The following VAC14 variants were observed in gnomAD, a reference collection of about 807,000 sequenced individuals.
VAC14 encodes protein VAC14 homolog.
A neutral mutation model predicts 85.3 loss-of-function variants in VAC14; 47 were observed. That is an observed-to-expected ratio of 0.55 (90% CI 0.44 to 0.70). VAC14 has a LOEUF of 0.70. Among genes scored for constraint, VAC14 ranks in the 30% least tolerant of loss-of-function variants. The pLI is 0.00. For missense variants in VAC14, 861 were observed against 1,004.3 expected, an observed-to-expected ratio of 0.86 and a Z score of 1.93; for synonymous variants, 447 against 430.5, an observed-to-expected ratio of 1.04 and a Z score of -0.47.
intron 1 of VAC14, among the ~76,000 whole-genome samples, chr16:70,794,436 C>CT (rs1370062556): frequency 5.3e-5 from 8 of 151,796 alleles, no homozygotes; most frequent in South Asian, 4.2e-4. Flanking sequence ...TTTCAAGGGG[C>CT]TTTTTTTTAA....
chr16:70,756,361 T>C (rs2031856222), intron 12 of VAC14, among the ~76,000 whole-genome samples: 1 of 152,136 alleles, frequency 6.6e-6, no homozygotes, highest in Non-Finnish European at 1.5e-5. Context: ...CAGTGAGTGC[T>C]CTCCTTTCAG....
intron 16 of VAC14, 67 bp from the exon 17 acceptor site, chr16:70,695,690 C>T (rs2053692110): frequency 2.0e-6 from 3 of 1,488,494 alleles, no homozygotes; most frequent in Admixed American, 3.4e-5. Flanking sequence ...GCACCACACG[C>T]CCTCCCCCCC....
chr16:70,720,321 T>C (rs1313034292), intron 14 of VAC14, among the ~76,000 whole-genome samples: 2 of 152,176 alleles, frequency 1.3e-5, no homozygotes, highest in Non-Finnish European at 2.9e-5. Flanking sequence ...CACTTTCAAA[T>C]AGTACGTTCT....
intron 14 of VAC14, among the ~76,000 whole-genome samples, chr16:70,722,261 G>A (rs757514591): frequency 3.9e-5 from 6 of 152,266 alleles, no homozygotes; most frequent in African/African-American, 9.6e-5. Context: ...ACTCTTCCCC[G>A]GGCACTGCAT....
intron 7 of VAC14, among the ~76,000 whole-genome samples, chr16:70,782,487 C>T (rs1219148092): frequency 6.6e-6 from 1 of 152,230 alleles, no homozygotes; most frequent in South Asian, 2.1e-4. Flanking sequence ...CCCCCATGGT[C>T]CCGGCATGAC....
chr16:70,784,478 T>G (rs2143268749), intron 4 of VAC14, among the ~76,000 whole-genome samples: 1 of 152,144 alleles, frequency 6.6e-6, no homozygotes. Flanking sequence ...GTGGTCTGGA[T>G]GGAATGCCCA....
chr16:70,735,406 C>T (rs1567550484), intron 13 of VAC14, among the ~76,000 whole-genome samples: 1 of 151,994 alleles, frequency 6.6e-6, no homozygotes, highest in Non-Finnish European at 1.5e-5. Flanking sequence ...ATGTGCAGAA[C>T]CATCCAGAGT....
intron 18 of VAC14, chr16:70,691,451 G>A: frequency 3.0e-6 from 3 of 985,050 alleles, no homozygotes; most frequent in Non-Finnish European, 2.4e-6. Flanking sequence ...AAGGCCCGGT[G>A]TGGCTTCTAG....
rs764444923 is a variant in VAC14 at position 70,762,678 on chromosome 16, G to A, written c.1306-73C>T. ...GGGACTACGTGCAGTGCAGTGTCCC[G>A]CTGGTGTGCACGGACCCACTGGTCT... On this transcript the variant is annotated intron_variant, in intron 11 of 18. Transcript: ENST00000261776. The surrounding 1 kb of genome is among the most constrained non-coding windows in gnomAD (Gnocchi z 4.1). 167 of 1,550,850 alleles carry A rather than the reference G, an allele frequency of 1.1e-4. 1 individual carries two copies. Among genetic ancestry groups the A allele is most frequent in the Middle Eastern group, 6.8e-4 (4 of 5,876 alleles).
chr16:70,736,280 A>G (rs1355057529), intron 13 of VAC14, among the ~76,000 whole-genome samples: 1 of 152,238 alleles, frequency 6.6e-6, no homozygotes, highest in Non-Finnish European at 1.5e-5. Flanking sequence ...CACAGTCTGC[A>G]CTCAGTACAC....
Position 70,697,225 on chromosome 16 carries a change from G to A in VAC14, c.1869C>T (p.Arg623=). Residue 623 remains arginine, a synonymous_variant, in exon 16 of 19, where the codon CGC becomes CGT. Transcript: ENST00000261776. ...TGGTGACTGGGTTGTGGCACCAGGA[G>A]CGGTACAGGCAGCAGAACAGGTTCT... is the stretch of plus-strand genomic sequence containing the variant. ...ESQNLFCCLY[R]SWCHNPVTTV... The A allele has an allele frequency of 1.9e-6, 3 of 1,614,022 alleles. No individual in the cohort carries two copies. Among genetic ancestry groups the A allele is most frequent in the Non-Finnish European group, 2.5e-6 (3 of 1,179,962 alleles).
intron 18 of VAC14, 185 bp from the exon 19 acceptor site, chr16:70,688,275 C>A: frequency 1.6e-6 from 2 of 1,237,622 alleles, no homozygotes; most frequent in Non-Finnish European, 2.0e-6. Context: ...GAGCATCCCC[C>A]TCTTCCGCAG....
chr16:70,739,133 C>A (rs2030003579), intron 13 of VAC14, among the ~76,000 whole-genome samples: 1 of 152,184 alleles, frequency 6.6e-6, no homozygotes, highest in Admixed American at 6.5e-5. Context: ...GCTCACAGAG[C>A]CCCCAGGCAC....
At chr16:70,733,209 G>C (rs1170046703) in intron 13 of VAC14, among the ~76,000 whole-genome samples, 2 of 152,106 alleles carry the variant, frequency 1.3e-5, no homozygotes, top group African/African-American at 4.8e-5. Context: ...GCCTATTCTG[G>C]ATGTTTCCTA....
At chr16:70,713,251 T>C (rs1012233703) in intron 14 of VAC14, among the ~76,000 whole-genome samples, 1 of 152,198 alleles carries the variant, frequency 6.6e-6, no homozygotes, top group Non-Finnish European at 1.5e-5. Context: ...GTCTTATCAA[T>C]GGAGACGAAG....
intron 12 of VAC14, among the ~76,000 whole-genome samples, chr16:70,745,440 T>C (rs976425950): frequency 2.7e-5 from 4 of 150,322 alleles, no homozygotes; most frequent in Non-Finnish European, 5.9e-5. Context: ...CAATGGGCAA[T>C]AGGGAGAGGG....
At chr16:70,800,684 TA>T in intron 1 of VAC14, 112 bp downstream of exon 1, 1 of 844,414 alleles carries the variant, frequency 1.2e-6, no homozygotes, top group Non-Finnish European at 1.9e-6. Flanking sequence ...TGCGCTAAGG[TA>T]AGGGCCTAAA....
rs997540250 is a variant in VAC14, at chr16:70,717,454, A to G, written c.1661+14041T>C. Among the ~76,000 whole-genome samples, 43 of 152,314 alleles carry G rather than the reference A, an allele frequency of 2.8e-4. 2 individuals carry two copies. Among genetic ancestry groups the G allele is most frequent in the African/African-American group, 1.0e-3 (43 of 41,564 alleles). On this transcript the variant is annotated intron_variant, in intron 14 of 18. Transcript: ENST00000261776. The stretch of plus-strand genomic sequence containing the variant: ...CTACCTTTATTTTTCTTTTTTTAAA[A>G]AAGTATAGAATGTATTTTCCGGATA...
chr16:70,796,341 T>C (rs79323471), intron 1 of VAC14, among the ~76,000 whole-genome samples: 6,423 of 152,228 alleles, frequency 0.042, 475 homozygotes, highest in African/African-American at 0.15. Context: ...CTCTTATTAG[T>C]GGTTTTAATG....
Sources: allele counts gnomAD v4.1 joint callset (sites outside exome capture counted in the v4.1 genomes callset), GRCh38; gene constraint gnomAD v4.1.1; non-coding constraint Gnocchi (gnomAD v3.1); transcripts MANE v1.5; gene names NCBI Gene and HGNC (gene_info 2026-07-23, HGNC 2026-07-21).